The following TMEM127 variants were observed in gnomAD, a reference collection of about 807,000 sequenced individuals.
TMEM127 encodes the protein transmembrane protein 127.
Under a neutral mutation model 20.1 loss-of-function variants are expected in TMEM127, and 21 were observed. The observed-to-expected ratio is 1.04, with a 90% confidence interval of 0.74 to 1.50. TMEM127 has a LOEUF of 1.50. Ranked by LOEUF, TMEM127 falls within the 40% of genes most tolerant of loss-of-function variation. The pLI, the probability that TMEM127 is intolerant of heterozygous loss-of-function variation, is 0.00. For missense variants in TMEM127, 303 were observed against 317.4 expected, an observed-to-expected ratio of 0.95 and a Z score of 0.34; for synonymous variants, 150 against 144.7, an observed-to-expected ratio of 1.04 and a Z score of -0.26.
rs1248938200 is a variant in TMEM127, at chr2:96,250,352, A to C, written c.*3456T>G. 1 of 232,722 alleles carries C rather than the reference A, an allele frequency of 4.3e-6. No homozygotes were observed. The highest frequency in any genetic ancestry group is 8.5e-6 in the Non-Finnish European group (1 of 117,850). The allele number at this position is 232,722 out of a possible 1,614,324, so 14.4% of individuals were successfully genotyped here. On this transcript the variant is annotated 3_prime_UTR_variant, in exon 4 of 4. Transcript: ENST00000258439. ...AAGTGTGGCTCAAGCTGCGTCCTCC[A>C]GGAAGCCTTTCATTATCACTCAGGT...
rs1393655813 is a variant in TMEM127, at chr2:96,249,621, TCTC to T, written c.*4184_*4186del. ...CCCCCACAAAAAAAACATTTTCTCT[TCTC>T]CACAAACCTCCTGCCTCCCATTAAA... is the stretch of plus-strand genomic sequence containing the variant. On this transcript the variant is annotated 3_prime_UTR_variant, in exon 4 of 4. Transcript: ENST00000258439. 2.2e-5 allele frequency: 5 copies of T among 232,142 alleles called. No individual in the cohort carries two copies. The highest frequency in any genetic ancestry group is 1.1e-4 in the African/African-American group (5 of 45,194). 14.4% of individuals were successfully genotyped at this position (232,142 alleles called of 1,614,324 possible).
chr2:96,255,542 CTAGAA>C (rs1290996332), intron 2 of TMEM127, among the ~76,000 whole-genome samples: 2 of 152,134 alleles, frequency 1.3e-5, no homozygotes, highest in Non-Finnish European at 2.9e-5. Context: ...TATGAGATAC[CTAGAA>C]TAATCAGTTT....
chr2:96,262,522 C>T (rs1033946167), intron 2 of TMEM127, among the ~76,000 whole-genome samples: 7 of 152,214 alleles, frequency 4.6e-5, no homozygotes, highest in African/African-American at 1.7e-4. Context: ...CATGAGGCAC[C>T]ACTGCCAACT....
Position 96,254,100 on chromosome 2 carries a change from G to T in TMEM127, c.425C>A (p.Thr142Asn). Residue 142 changes from threonine to asparagine, a missense_variant, in exon 4 of 4, where the codon ACC becomes AAC. By Grantham distance (65) the Thr-to-Asn change is moderately conservative. Transcript: ENST00000258439. ...AHILTVLQCATVIGFSYWASE... is the reference protein window; with the variant it reads ...AHILTVLQCANVIGFSYWASE... The stretch of plus-strand genomic sequence containing the variant: ...AGCCCAATAAGAAAAGCCAATGACG[G>T]TGGCACACTGCAGAACTAGGAGACA... The T allele has an allele frequency of 5.0e-6, 8 of 1,614,040 alleles. No homozygotes were observed. Among genetic ancestry groups the T allele is most frequent in the Non-Finnish European group, 6.8e-6 (8 of 1,180,038 alleles).
At position 96,251,537 on chromosome 2, in the gene TMEM127, G is replaced by GA. The variant is rs886056437; in HGVS notation, c.*2270dup. 192 of 225,758 alleles carry GA rather than the reference G, an allele frequency of 8.5e-4. No individual in the cohort carries two copies. The highest frequency in any genetic ancestry group is 2.6e-3 in the Middle Eastern group (2 of 756). 14.0% of individuals were successfully genotyped at this position (225,758 alleles called of 1,614,324 possible). A position where few individuals can be genotyped will look rare whatever the true frequency, so the allele number is the denominator to read the frequency against. On this transcript the variant is annotated 3_prime_UTR_variant, in exon 4 of 4. Transcript: ENST00000258439. Reference sequence around the variant, plus strand: ...ACTCTTGTCTCAAAAACAAGAAAAAGAAAAAAAAATACAGCCTCATCAACA... The same window carrying GA: ...ACTCTTGTCTCAAAAACAAGAAAAAGAAAAAAAAAATACAGCCTCATCAACA...
rs1684137152 is a variant in TMEM127 at position 96,253,654 on chromosome 2, T to G, written c.*154A>C. On this transcript the variant is annotated 3_prime_UTR_variant, in exon 4 of 4. Transcript: ENST00000258439. This position sits in a 1 kb window ranked among gnomAD's most constrained non-coding sequence, Gnocchi z 4.3. ...GGTTCTGAGAGCAGGGATACTTGGA[T>G]GACCCTAAAGGCAGAGTCTCTCCTG... 1 of 792,018 alleles carries G rather than the reference T, an allele frequency of 1.3e-6. No homozygotes were observed. The highest frequency in any genetic ancestry group is 2.9e-5 in the Admixed American group (1 of 34,094). 49.1% of individuals were successfully genotyped at this position (792,018 alleles called of 1,614,324 possible).
At position 96,249,667 on chromosome 2, in the gene TMEM127, A is replaced by G. The variant is rs902737611; in HGVS notation, c.*4141T>C. On this transcript the variant is annotated 3_prime_UTR_variant, in exon 4 of 4. Transcript: ENST00000258439. ...CCATTAAAATGTCACTCCCCCCAAAAAATGCAGAGGAAGAGGTAAGATTGC... is the reference window on the plus strand; with the variant it reads ...CCATTAAAATGTCACTCCCCCCAAAGAATGCAGAGGAAGAGGTAAGATTGC... 1.3e-5 allele frequency: 3 copies of G among 232,844 alleles called. No homozygotes were observed. Among genetic ancestry groups the G allele is most frequent in the African/African-American group, 6.6e-5 (3 of 45,320 alleles). 14.4% of individuals were successfully genotyped at this position (232,844 alleles called of 1,614,324 possible).
At chr2:96,255,207 G>C (rs778253553) in intron 2 of TMEM127, among the ~76,000 whole-genome samples, 9 of 152,218 alleles carry the variant, frequency 5.9e-5, no homozygotes, top group Non-Finnish European at 8.8e-5. Context: ...TGTACCTCAA[G>C]TCCTTCTCTT....
At chr2:96,254,811 T>G in intron 3 of TMEM127, 22 bp downstream of exon 3, 2 of 1,613,704 alleles carry the variant, frequency 1.2e-6, no homozygotes, top group Non-Finnish European at 1.7e-6. Context: ...CCTCTCCCAC[T>G]GTGAGCAGGC....
Position 96,254,009 on chromosome 2 carries a change from G to A in TMEM127, c.516C>T (p.Thr172=), listed in dbSNP as rs2104284604. The change falls in exon 4 of 4, where the codon ACC becomes ACT. Residue 172 remains threonine (T), a synonymous_variant. Coordinates refer to ENST00000258439, the MANE Select transcript of TMEM127 (RefSeq NM_017849.4). ...KKYHGSQVYV[T]FAVSFYLVAG... is the part of the protein sequence containing the mutation. ...CCACCAGGTAGAAGCTAACGGCGAA[G>A]GTGACATAGACCTGGGATCCATGGT... The A allele has an allele frequency of 6.2e-7, 1 of 1,614,172 alleles. No individual in the cohort carries two copies. Among genetic ancestry groups the A allele is most frequent in the South Asian group, 1.1e-5 (1 of 91,084 alleles).
chr2:96,254,976 G>C lies in TMEM127; in HGVS notation c.266C>G (p.Thr89Arg), dbSNP rs876658430. Residue 89 changes from threonine (T) to arginine (R), a missense_variant, in exon 3 of 4, where the codon ACA becomes AGA. Thr to Arg is a moderately conservative substitution (Grantham distance 71). Transcript: ENST00000258439. ...LLKDFCMNPQ[T>R]VLLLRVIAAF... ...GGCGATGACCCGCAGGAGCAGCACT[G>C]TCTGGGGATTCATGCAGAAATCTGT... 6.2e-7 allele frequency: 1 copy of C among 1,614,236 alleles called. No individual in the cohort carries two copies. Among genetic ancestry groups the C allele is most frequent in the Non-Finnish European group, 8.5e-7 (1 of 1,180,042 alleles).
In TMEM127 at chr2:96,251,660, T is replaced by C. The variant is rs992231489; in HGVS notation, c.*2148A>G. 4 of 232,814 alleles carry C rather than the reference T, an allele frequency of 1.7e-5. No individual in the cohort carries two copies. In the Admixed American group the frequency reaches 2.3e-4, roughly 13 times the overall value. 14.4% of individuals were successfully genotyped at this position (232,814 alleles called of 1,614,324 possible). A position where few individuals can be genotyped will look rare whatever the true frequency, so the allele number is the denominator to read the frequency against. ...TTGTCATTTCCATTCTTATTCGTGGTTTCTGGTTTTTTTGGTTTTGTTTTC... is the reference window on the plus strand; with the variant it reads ...TTGTCATTTCCATTCTTATTCGTGGCTTCTGGTTTTTTTGGTTTTGTTTTC... On this transcript the variant is annotated 3_prime_UTR_variant, in exon 4 of 4. Transcript: ENST00000258439.
intron 2 of TMEM127, among the ~76,000 whole-genome samples, chr2:96,259,531 T>C (rs4907307): frequency 1.3e-5 from 2 of 152,018 alleles, no homozygotes; most frequent in African/African-American, 4.8e-5. Context: ...GAAATCTCTC[T>C]AAGAAGCAAA....
At chr2:96,261,818 A>C (rs1213732081) in intron 2 of TMEM127, among the ~76,000 whole-genome samples, 1 of 152,166 alleles carries the variant, frequency 6.6e-6, no homozygotes, top group African/African-American at 2.4e-5. Context: ...GTTTAGGAGG[A>C]AAAAAGCAGG....
At chr2:96,256,729 G>A (rs917944247) in intron 2 of TMEM127, among the ~76,000 whole-genome samples, 1 of 152,146 alleles carries the variant, frequency 6.6e-6, no homozygotes, top group African/African-American at 2.4e-5. Context: ...GATTAGGAAA[G>A]TTGGTAGACT....
Position 96,254,040 on chromosome 2 carries a change from T to C in TMEM127, c.485A>G (p.Lys162Arg), listed in dbSNP as rs745947594. The change falls in exon 4 of 4, where the codon AAG becomes AGG. Residue 162 changes from lysine (K) to arginine (R), a missense_variant. Coordinates refer to ENST00000258439, the MANE Select transcript of TMEM127 (RefSeq NM_017849.4). ...ELILAQQQQH[K>R]KYHGSQVYVT... Reference sequence around the variant, plus strand: ...ATAGACCTGGGATCCATGGTACTTCTTATGCTGCTGCTGCTGGGCCAAGAT... The same window carrying C: ...ATAGACCTGGGATCCATGGTACTTCCTATGCTGCTGCTGCTGGGCCAAGAT... 8.1e-6 allele frequency: 13 copies of C among 1,614,022 alleles called. No individual in the cohort carries two copies.
chr2:96,251,230 A>C lies in TMEM127; in HGVS notation c.*2578T>G. ...GTCCCTTCTAACTATTTTAAATTAC[A>C]TCTTTGGCCAGGCACGGTGGTTCAT... On this transcript the variant is annotated 3_prime_UTR_variant, in exon 4 of 4. Coordinates refer to ENST00000258439, the MANE Select transcript of TMEM127 (RefSeq NM_017849.4). The C allele has an allele frequency of 9.4e-6, 2 of 211,802 alleles. No individual in the cohort carries two copies. The highest frequency in any genetic ancestry group is 1.9e-5 in the Non-Finnish European group (2 of 104,464). The allele number at this position is 211,802 out of a possible 1,614,324, so 13.1% of individuals were successfully genotyped here. A position where few individuals can be genotyped will look rare whatever the true frequency, so the allele number is the denominator to read the frequency against.
chr2:96,259,301 A>G (rs771940095), intron 2 of TMEM127, among the ~76,000 whole-genome samples: 10 of 152,250 alleles, frequency 6.6e-5, no homozygotes, highest in Non-Finnish European at 1.2e-4. Flanking sequence ...TCCAGGCCAC[A>G]CGCTGCAGAG....
At position 96,265,180 on chromosome 2, in the gene TMEM127, C is replaced by A; in HGVS notation, c.202G>T (p.Val68Phe). 1 of 1,610,712 alleles carries A rather than the reference C, an allele frequency of 6.2e-7. No individual in the cohort carries two copies. The change falls in exon 2 of 4, where the codon GTC becomes TTC. Residue 68 changes from valine (V) to phenylalanine (F), a missense_variant. By Grantham distance (50) the Val-to-Phe change is conservative. Coordinates refer to ENST00000258439, the MANE Select transcript of TMEM127 (RefSeq NM_017849.4). Reference protein sequence around the residue: ...GGTCSRQELGVSDVLGYVHPD... With the variant: ...GGTCSRQELGFSDVLGYVHPD... Reference sequence around the variant, plus strand: ...TGCACATAGCCCAACACGTCGGAGACCCCCAGCTCCTGGCGCGAACAGGTG... The same window carrying A: ...TGCACATAGCCCAACACGTCGGAGAACCCCAGCTCCTGGCGCGAACAGGTG...
Sources: gnomAD v4.1 joint callset for allele counts (sites outside exome capture counted in the v4.1 genomes callset) on GRCh38, gnomAD v4.1.1 for gene constraint, Gnocchi (gnomAD v3.1) non-coding constraint, MANE v1.5 for transcripts, NCBI Gene and HGNC (gene_info 2026-07-23, HGNC 2026-07-21) for gene names.